PDE11A: variants seen among roughly 807,000 people sequenced by gnomAD.
PDE11A encodes the protein dual 3',5'-cyclic-AMP and -GMP phosphodiesterase 11A.
In PDE11A, 100 loss-of-function variants were observed where a neutral mutation model predicts 100.5. The ratio of observed to expected loss-of-function variants is 1.00; its 90% confidence interval spans 0.85 to 1.18. The LOEUF (loss-of-function observed/expected upper bound fraction) is 1.18, where lower values mean the gene tolerates loss of function less well. Among genes scored for constraint, PDE11A ranks in the 50% most tolerant of loss-of-function variants. PDE11A has a pLI of 0.00. For missense variants in PDE11A, 1,141 were observed against 1,152.6 expected, an observed-to-expected ratio of 0.99 and a Z score of 0.15; for synonymous variants, 381 against 420.8, an observed-to-expected ratio of 0.91 and a Z score of 1.16.
chr2:177,740,452 G>A (rs2081856045), intron 10 of PDE11A, among the ~76,000 whole-genome samples: 1 of 152,158 alleles, frequency 6.6e-6, no homozygotes, highest in Non-Finnish European at 1.5e-5. Context: ...GTGCTTTATA[G>A]TATTCCATTT....
chr2:178,076,189 C>T (rs1406454526), upstream of PDE11A, among the ~76,000 whole-genome samples: 2 of 152,168 alleles, frequency 1.3e-5, no homozygotes, highest in African/African-American at 4.8e-5. Context: ...GCTCCTTCTC[C>T]ATCTACCCTT....
At chr2:177,725,578 C>T (rs1282436457) in intron 12 of PDE11A, among the ~76,000 whole-genome samples, 1 of 152,098 alleles carries the variant, frequency 6.6e-6, no homozygotes, top group South Asian at 2.1e-4. Flanking sequence ...CCTTCTCCAA[C>T]AATGCTGCTC....
intron 1 of PDE11A, among the ~76,000 whole-genome samples, chr2:178,016,831 G>C (rs1032591134): frequency 2.6e-5 from 4 of 152,172 alleles, no homozygotes; most frequent in African/African-American, 9.7e-5. Flanking sequence ...AGAGTAGAGG[G>C]AGACAAAGGG....
intron 10 of PDE11A, among the ~76,000 whole-genome samples, chr2:177,741,689 A>C (rs1325164039): frequency 6.6e-6 from 1 of 152,156 alleles, no homozygotes; most frequent in Non-Finnish European, 1.5e-5. Context: ...TTGGAAAGAA[A>C]TATATTCAAT....
At chr2:177,921,471 C>CAAA (rs370144102) in intron 2 of PDE11A, among the ~76,000 whole-genome samples, 1 of 98,444 alleles carries the variant, frequency 1.0e-5, no homozygotes. Flanking sequence ...CATCTAAAAG[C>CAAA]AAAAAAAAAA....
chr2:177,819,455 T>C (rs1268934927), intron 7 of PDE11A, among the ~76,000 whole-genome samples: 1 of 152,060 alleles, frequency 6.6e-6, no homozygotes, highest in Non-Finnish European at 1.5e-5. Context: ...GTTTCAATAA[T>C]TTCAACTAAT....
At position 177,628,360 on chromosome 2, in the gene PDE11A, T is replaced by C. The variant is rs918259785; in HGVS notation, c.*1047A>G. ...TAGTCATTACATCTACTTAATACAG[T>C]TTATTCTTACCTATTGTAAACCTGG... On this transcript the variant is annotated 3_prime_UTR_variant, in exon 20 of 20. Transcript: ENST00000286063. 6.6e-6 allele frequency: 1 copy of C among 152,636 alleles called. No homozygotes were observed. Among genetic ancestry groups the C allele is most frequent in the African/African-American group, 2.4e-5 (1 of 41,448 alleles). 9.5% of individuals were successfully genotyped at this position (152,636 alleles called of 1,614,324 possible).
chr2:177,971,950 T>C (rs1328627809), intron 2 of PDE11A, among the ~76,000 whole-genome samples: 2 of 152,080 alleles, frequency 1.3e-5, no homozygotes, highest in East Asian at 1.9e-4. Flanking sequence ...TAATAAGAAC[T>C]GGATATAGAA....
chr2:177,874,776 T>C (rs969543929), intron 5 of PDE11A, among the ~76,000 whole-genome samples: 1 of 152,230 alleles, frequency 6.6e-6, no homozygotes, highest in Non-Finnish European at 1.5e-5. Flanking sequence ...CTTTTTTTAT[T>C]GGAAGATTTA....
chr2:178,083,901 C>T (rs375472131), intron 2 of PDE11A, among the ~76,000 whole-genome samples: 13 of 152,170 alleles, frequency 8.5e-5, no homozygotes, highest in East Asian at 7.7e-4. Flanking sequence ...AAAATTTAAA[C>T]GTAAGATTAT....
At chr2:178,037,406 C>T (rs2086627604) in intron 1 of PDE11A, among the ~76,000 whole-genome samples, 3 of 152,124 alleles carry the variant, frequency 2.0e-5, no homozygotes, top group Non-Finnish European at 1.5e-5. Context: ...AATAGAAACA[C>T]GTTTACACCA....
intron 15 of PDE11A, among the ~76,000 whole-genome samples, chr2:177,683,654 G>A (rs2080899797): frequency 6.6e-6 from 1 of 152,208 alleles, no homozygotes; most frequent in African/African-American, 2.4e-5. Context: ...GCTTTGCTGA[G>A]TCTTTTTCCT....
intron 9 of PDE11A, among the ~76,000 whole-genome samples, chr2:177,794,602 T>A (rs973104101): frequency 3.3e-5 from 5 of 152,162 alleles, no homozygotes; most frequent in Admixed American, 3.3e-4. Flanking sequence ...TCTGTTAAGC[T>A]CAGGGGCTGC....
chr2:177,970,808 C>T (rs924770623), intron 2 of PDE11A, among the ~76,000 whole-genome samples: 3 of 152,072 alleles, frequency 2.0e-5, no homozygotes, highest in Admixed American at 6.6e-5. Flanking sequence ...AAGTGAATCA[C>T]GGGAGGTACA....
At chr2:177,944,942 T>C (rs1235770913) in intron 2 of PDE11A, among the ~76,000 whole-genome samples, 6 of 146,318 alleles carry the variant, frequency 4.1e-5, no homozygotes, top group Non-Finnish European at 7.6e-5. Flanking sequence ...CTGATTCTCC[T>C]GCCTCAGCCT....
At chr2:178,079,828 C>T (rs1236312793) in intron 2 of PDE11A, among the ~76,000 whole-genome samples, 1 of 152,026 alleles carries the variant, frequency 6.6e-6, no homozygotes, top group Non-Finnish European at 1.5e-5. Context: ...TAATAATTGC[C>T]AAGAAACAAT....
chr2:178,036,683 C>G (rs1028096323), intron 1 of PDE11A, among the ~76,000 whole-genome samples: 1 of 152,124 alleles, frequency 6.6e-6, no homozygotes, highest in East Asian at 1.9e-4. Context: ...ATACATAGAC[C>G]AACGGAACGA....
At chr2:177,789,676 G>A (rs2082597356) in intron 9 of PDE11A, among the ~76,000 whole-genome samples, 1 of 152,112 alleles carries the variant, frequency 6.6e-6, no homozygotes, top group South Asian at 2.1e-4. Flanking sequence ...AAGGTGATAA[G>A]CAACTTAAGC....
At chr2:177,955,304 T>C (rs984649632) in intron 2 of PDE11A, among the ~76,000 whole-genome samples, 1 of 152,214 alleles carries the variant, frequency 6.6e-6, no homozygotes, top group Non-Finnish European at 1.5e-5. Flanking sequence ...TGTATACATA[T>C]ATAATTTTAT....
Sources: gnomAD v4.1 joint callset for allele counts (sites outside exome capture counted in the v4.1 genomes callset) on GRCh38, gnomAD v4.1.1 for gene constraint, MANE v1.5 for transcripts, NCBI Gene and HGNC (gene_info 2026-07-23, HGNC 2026-07-21) for gene names.